Variants in SLK observed in about 807,000 individuals in gnomAD.
The protein encoded by SLK is STE20 like kinase, also known as STE20-like serine/threonine-protein kinase.
A neutral mutation model predicts 147.7 loss-of-function variants in SLK; 67 were observed. That is an observed-to-expected ratio of 0.45 (90% CI 0.37 to 0.56). SLK has a LOEUF of 0.56. SLK is among the 20% of genes least tolerant of loss of function. SLK has a pLI of 0.00. For missense variants in SLK, 1,136 were observed against 1,438.8 expected (o/e 0.79, Z 3.41); for synonymous variants, 441 against 475.0 (o/e 0.93, Z 0.93).
chr10:103,999,978 T>A (rs1050727524), intron 7 of SLK, 30 bp downstream of exon 7: 3 of 954,580 alleles, frequency 3.1e-6, no homozygotes, highest in Non-Finnish European at 4.8e-6. Flanking sequence ...GCAAATAATA[T>A]AATTATTTTA....
intron 1 of SLK, among the ~76,000 whole-genome samples, chr10:103,968,975 C>CT (rs1047736569): frequency 7.5e-4 from 111 of 148,966 alleles, no homozygotes; most frequent in African/African-American, 2.0e-3. Flanking sequence ...CTACTACTTT[C>CT]TTTTTTTTTT....
intron 1 of SLK, among the ~76,000 whole-genome samples, chr10:103,979,214 G>A (rs1843909938): frequency 6.6e-6 from 1 of 152,004 alleles, no homozygotes; most frequent in Non-Finnish European, 1.5e-5. Flanking sequence ...ATGGGGTTTC[G>A]CCTTGTTGGC....
At chr10:104,001,631 T>C (rs537043940) in intron 8 of SLK, 59 bp downstream of exon 8, 1 of 1,585,646 alleles carries the variant, frequency 6.3e-7, no homozygotes, top group East Asian at 2.2e-5. Context: ...GAGGTGTAGT[T>C]GCTCCTGTAT....
At chr10:103,995,808 T>A (rs1181509859) in intron 4 of SLK, among the ~76,000 whole-genome samples, 2 of 152,214 alleles carry the variant, frequency 1.3e-5, no homozygotes, top group African/African-American at 2.4e-5. Flanking sequence ...TAAGAGATGC[T>A]TGCAGTTTTC....
intron 2 of SLK, among the ~76,000 whole-genome samples, chr10:103,991,908 C>T (rs556201951): frequency 5.3e-5 from 8 of 151,938 alleles, no homozygotes; most frequent in African/African-American, 1.9e-4. Flanking sequence ...ACAGATAAGA[C>T]CTTTACTTGG....
intron 13 of SLK, among the ~76,000 whole-genome samples, chr10:104,013,448 T>C (rs185031368): frequency 2.0e-5 from 3 of 152,352 alleles, no homozygotes; most frequent in African/African-American, 4.8e-5. Flanking sequence ...AGCAACACAC[T>C]AGAGTTTGGA....
At chr10:104,008,151 T>C (rs905442102) in intron 11 of SLK, 26 bp from the exon 12 acceptor site, 3 of 1,579,018 alleles carry the variant, frequency 1.9e-6, no homozygotes, top group Non-Finnish European at 1.7e-6. Flanking sequence ...GGAAAAGTTA[T>C]CATCTTGAGC....
chr10:104,000,388 A>T (rs1240144789), intron 7 of SLK, among the ~76,000 whole-genome samples: 5 of 152,238 alleles, frequency 3.3e-5, no homozygotes, highest in South Asian at 4.1e-4. Context: ...TGTCAATTTT[A>T]TAGGTGGGCA....
rs1327843051 is a variant in SLK, at chr10:104,018,842, G to T, written c.3066G>T (p.Leu1022=). The part of the protein sequence containing the change: ...EERHLQEKHQ[L]LKQQLKDQYF... ...GACACTTACAAGAAAAACACCAGCT[G>T]CTCAAACAGCAGCTTAAAGATCAGT... The change falls in exon 15 of 19, where the codon CTG becomes CTT. Residue 1022 remains leucine, a synonymous_variant. Transcript: ENST00000369755. 3.1e-6 allele frequency: 5 copies of T among 1,613,120 alleles called. No homozygotes were observed. Among genetic ancestry groups the T allele is most frequent in the African/African-American group, 1.3e-5 (1 of 75,018 alleles).
At position 103,992,141 on chromosome 10, in the gene SLK, G is replaced by GTTTTTTTTTTTTTTTTTTTT. The variant is rs56381345; in HGVS notation, c.316-439_316-438insTTTTTTTTTTTTTTTTTTTT. On this transcript the variant is annotated intron_variant, in intron 2 of 18. Transcript: ENST00000369755. The stretch of plus-strand genomic sequence containing the variant: ...TGAAGCTTTTGTGGGTATTTCTTCT[G>GTTTTTTTTTTTTTTTTTTTT]TTTTTTTTTTTTTTTTTTCTAAAAG... 1.9e-4 allele frequency among the ~76,000 whole-genome samples: 17 copies of GTTTTTTTTTTTTTTTTTTTT among 91,800 alleles called. 1 individual carries two copies. The highest frequency in any genetic ancestry group is 4.0e-4 in the South Asian group (1 of 2,520). The allele number at this position is 91,800 out of a possible 152,430, so 60.2% of individuals were successfully genotyped here. A position where few individuals can be genotyped will look rare whatever the true frequency, so the allele number is the denominator to read the frequency against.
At chr10:103,988,619 C>T (rs1002502125) in intron 1 of SLK, among the ~76,000 whole-genome samples, 1 of 152,140 alleles carries the variant, frequency 6.6e-6, no homozygotes, top group African/African-American at 2.4e-5. Flanking sequence ...TTACTAGCTA[C>T]ATGACCTGGG....
Position 104,008,216 on chromosome 10 carries a change from G to GAAAAACAGC in SLK, c.2646_2654dup (p.Gln885_Gln887dup), listed in dbSNP as rs1314310227. ...ATATGACCAGGAAATTGAGAATCTA[G>GAAAAACAGC]AAAAACAGCAGAAACAGACTATCGA... is the stretch of plus-strand genomic sequence containing the variant. On this transcript the variant is annotated inframe_insertion, in exon 12 of 19. Coordinates refer to ENST00000369755, the MANE Select transcript of SLK (RefSeq NM_014720.4). 6.2e-7 allele frequency: 1 copy of GAAAAACAGC among 1,613,428 alleles called. No homozygotes were observed. The highest frequency in any genetic ancestry group is 1.7e-5 in the Admixed American group (1 of 59,864).
chr10:103,991,145 TAATTTA>T (rs1348746534), intron 2 of SLK, among the ~76,000 whole-genome samples: 3 of 152,182 alleles, frequency 2.0e-5, no homozygotes, highest in Admixed American at 2.0e-4. Flanking sequence ...TCCTTGTTTA[TAATTTA>T]AATTTAATCA....
intron 7 of SLK, among the ~76,000 whole-genome samples, chr10:104,001,102 C>T (rs1335492143): frequency 3.4e-5 from 5 of 145,718 alleles, no homozygotes; most frequent in South Asian, 2.2e-4. Context: ...AATGTAGTGA[C>T]CTGACATTTG....
At chr10:104,005,812 C>A in intron 10 of SLK, 100 bp from the exon 11 acceptor site, 1 of 1,478,064 alleles carries the variant, frequency 6.8e-7, no homozygotes, top group Non-Finnish European at 9.2e-7. Context: ...CTTTTACTAC[C>A]GTTCCACTCG....
intron 1 of SLK, among the ~76,000 whole-genome samples, chr10:103,971,659 C>G (rs978238721): frequency 2.0e-5 from 3 of 152,332 alleles, no homozygotes; most frequent in African/African-American, 7.2e-5. Context: ...GCTATTTTAT[C>G]TATTAAACCA....
intron 3 of SLK, 125 bp from the exon 4 acceptor site, chr10:103,992,859 T>A (rs1449827224): frequency 1.7e-6 from 1 of 573,636 alleles, no homozygotes; most frequent in African/African-American, 2.0e-5. Flanking sequence ...TAGATATAGT[T>A]CTTTTAAAAT....
intron 1 of SLK, among the ~76,000 whole-genome samples, chr10:103,969,762 C>T (rs1468587441): frequency 1.3e-5 from 2 of 152,188 alleles, no homozygotes; most frequent in South Asian, 2.1e-4. Context: ...GCGTTGTAAT[C>T]CTGGACAAAA....
chr10:103,967,996 C>T, intron 1 of SLK, 101 bp downstream of exon 1: 1 of 1,221,240 alleles, frequency 8.2e-7, no homozygotes, highest in Non-Finnish European at 1.2e-6. Context: ...TCCTGTCCTT[C>T]TTTTGACTGT....
Sources: gnomAD v4.1 joint callset for allele counts (sites outside exome capture counted in the v4.1 genomes callset) on GRCh38, gnomAD v4.1.1 for gene constraint, MANE v1.5 for transcripts, NCBI Gene and HGNC (gene_info 2026-07-23, HGNC 2026-07-21) for gene names.